SESTD1: variants seen among roughly 807,000 people sequenced by gnomAD.
SESTD1 encodes SEC14 and spectrin domain containing 1, also known as SEC14 domain and spectrin repeat-containing protein 1.
SESTD1 carries 43 observed loss-of-function variants against 101.7 expected under a neutral mutation model. The ratio of observed to expected loss-of-function variants is 0.42; its 90% CI spans 0.33 to 0.55. The LOEUF is 0.55. Among genes scored for constraint, SESTD1 ranks in the 20% least tolerant of loss-of-function variants. The pLI, the probability that SESTD1 is intolerant of heterozygous loss-of-function variation, is 0.07. For missense variants in SESTD1, 647 were observed against 815.1 expected (o/e 0.79, Z 2.51); for synonymous variants, 283 against 286.8 (o/e 0.99, Z 0.13).
chr2:179,185,064 G>C (rs908503177), intron 2 of SESTD1, among the ~76,000 whole-genome samples: 2 of 152,040 alleles, frequency 1.3e-5, no homozygotes, highest in Non-Finnish European at 2.9e-5. Flanking sequence ...CTATTGAAAA[G>C]AGTGTGAGAA....
chr2:179,170,511 G>GT (rs1470577836), intron 5 of SESTD1, among the ~76,000 whole-genome samples: 4 of 152,120 alleles, frequency 2.6e-5, no homozygotes, highest in African/African-American at 4.8e-5. Context: ...TGAAACCCTT[G>GT]TAATTCCTAG....
At chr2:179,245,817 T>C (rs1171572710) in intron 1 of SESTD1, among the ~76,000 whole-genome samples, 4 of 152,096 alleles carry the variant, frequency 2.6e-5, no homozygotes, top group African/African-American at 4.8e-5. Flanking sequence ...ACAGTAAATA[T>C]ATTACTCTAA....
chr2:179,121,291 G>C (rs1021788976), intron 13 of SESTD1, among the ~76,000 whole-genome samples: 67 of 151,954 alleles, frequency 4.4e-4, no homozygotes, highest in African/African-American at 1.5e-3. Context: ...TGAATTCCTA[G>C]TTTTATAGAA....
intron 10 of SESTD1, among the ~76,000 whole-genome samples, chr2:179,126,201 T>C (rs1483206271): frequency 6.6e-6 from 1 of 152,248 alleles, no homozygotes; most frequent in Non-Finnish European, 1.5e-5. Context: ...TTTCATTCTT[T>C]TTTTAATCCA....
At chr2:179,118,286 T>G (rs977644470) in intron 13 of SESTD1, among the ~76,000 whole-genome samples, 1 of 152,228 alleles carries the variant, frequency 6.6e-6, no homozygotes, top group Non-Finnish European at 1.5e-5. Context: ...CCTCTGGGTG[T>G]AGAGAAACAC....
rs980503299 is a variant in SESTD1 at position 179,213,177 on chromosome 2, A to G, written c.-25-21311T>C. Among the ~76,000 whole-genome samples the G allele has an allele frequency of 3.0e-5, 4 of 135,142 alleles. 1 individual carries two copies. Among genetic ancestry groups the G allele is most frequent in the Admixed American group, 7.2e-5 (1 of 13,918 alleles). The allele number at this position is 135,142 out of a possible 152,430, so 88.7% of individuals were successfully genotyped here. On this transcript the variant is annotated intron_variant, in intron 1 of 17. Transcript: ENST00000428443. ...CAAATTGACAGAAGTAGGCTTTAGA[A>G]GGTCAGTAATAACAAAGTTCTCCGA...
intron 1 of SESTD1, among the ~76,000 whole-genome samples, chr2:179,199,087 A>C (rs140709573): frequency 0.23 from 35,104 of 152,028 alleles, 4,312 homozygotes; most frequent in South Asian, 0.42. Context: ...AAGAGAGAAG[A>C]ATCAAATAGA....
chr2:179,234,636 T>C (rs2047039496), intron 1 of SESTD1, among the ~76,000 whole-genome samples: 1 of 151,866 alleles, frequency 6.6e-6, no homozygotes, highest in African/African-American at 2.4e-5. Flanking sequence ...CGAGTATACA[T>C]CACCAGTAAA....
intron 2 of SESTD1, among the ~76,000 whole-genome samples, chr2:179,189,084 C>A (rs1030805594): frequency 6.6e-6 from 1 of 152,116 alleles, no homozygotes; most frequent in African/African-American, 2.4e-5. Context: ...AAGCCAGCAT[C>A]ATCCTGACAC....
intron 1 of SESTD1, among the ~76,000 whole-genome samples, chr2:179,221,606 G>A (rs2046816492): frequency 1.4e-5 from 2 of 145,292 alleles, no homozygotes; most frequent in Non-Finnish European, 3.0e-5. Context: ...GTGACAGAGT[G>A]AGACTGTTAA....
chr2:179,229,758 T>TATATATATATATATATAC (rs1232283848), intron 1 of SESTD1, among the ~76,000 whole-genome samples: 1 of 124,756 alleles, frequency 8.0e-6, no homozygotes, highest in Non-Finnish European at 1.7e-5. Context: ...CTTATATATA[T>TATATATATATATATATAC]ATATATATAT....
Position 179,258,523 on chromosome 2 carries a change from A to G in SESTD1, c.-26+5976T>C, listed in dbSNP as rs114758687. ...TCAATAGGTCTTTACAAACCAATTG[A>G]CAAAGGCAGGTTCATTTTCTAAATG... On this transcript the variant is annotated intron_variant, in intron 1 of 17. Transcript: ENST00000428443. Among the ~76,000 whole-genome samples the G allele has an allele frequency of 8.6e-3, 1,313 of 152,370 alleles. 10 individuals carry two copies. The highest frequency in any genetic ancestry group is 0.029 in the African/African-American group (1,224 of 41,594).
chr2:179,199,905 G>T (rs2046478320), intron 1 of SESTD1, among the ~76,000 whole-genome samples: 1 of 152,096 alleles, frequency 6.6e-6, no homozygotes, highest in Non-Finnish European at 1.5e-5. Context: ...ATTCAACATA[G>T]TGTTGGAAGT....
intron 13 of SESTD1, among the ~76,000 whole-genome samples, chr2:179,118,810 T>G (rs1195932256): frequency 1.3e-5 from 2 of 152,196 alleles, no homozygotes; most frequent in African/African-American, 4.8e-5. Context: ...AGAGATGTTA[T>G]AAGTACTATT....
chr2:179,123,557 A>G (rs1462806359), intron 12 of SESTD1, among the ~76,000 whole-genome samples, 158 bp downstream of exon 12: 2 of 152,174 alleles, frequency 1.3e-5, no homozygotes, highest in Non-Finnish European at 2.9e-5. Flanking sequence ...AGCATAAATT[A>G]TAACCCCTCA....
intron 10 of SESTD1, among the ~76,000 whole-genome samples, chr2:179,126,680 A>T (rs1011183714): frequency 4.6e-5 from 7 of 151,908 alleles, no homozygotes; most frequent in Admixed American, 1.3e-4. Flanking sequence ...ATCAACACTG[A>T]CCCCTCCCAT....
At chr2:179,202,949 C>T (rs891048757) in intron 1 of SESTD1, among the ~76,000 whole-genome samples, 2 of 135,018 alleles carry the variant, frequency 1.5e-5, no homozygotes, top group African/African-American at 5.9e-5. Flanking sequence ...ACTCCATGCC[C>T]TAGGCATGCC....
intron 1 of SESTD1, among the ~76,000 whole-genome samples, chr2:179,228,384 AT>A (rs1266619386): frequency 6.6e-6 from 1 of 152,200 alleles, no homozygotes; most frequent in Non-Finnish European, 1.5e-5. Flanking sequence ...CATGTGTGTA[AT>A]GGAAGGTTAA....
intron 13 of SESTD1, among the ~76,000 whole-genome samples, chr2:179,118,390 C>T (rs932695403): frequency 3.9e-5 from 6 of 152,076 alleles, no homozygotes; most frequent in African/African-American, 1.4e-4. Context: ...AACTCTGGTC[C>T]ATTTCCTTCA....
Sources: allele counts gnomAD v4.1 joint callset (sites outside exome capture counted in the v4.1 genomes callset), GRCh38; gene constraint gnomAD v4.1.1; transcripts MANE v1.5; gene names NCBI Gene and HGNC (gene_info 2026-07-23, HGNC 2026-07-21).